The following KAZN variants were observed in gnomAD, a reference collection of about 807,000 sequenced individuals.
KAZN encodes the protein kazrin, periplakin interacting protein, also known as kazrin.
Under a neutral mutation model 87.4 loss-of-function variants are expected in KAZN, and 40 were observed. The observed-to-expected ratio is 0.46, with a 90% CI of 0.36 to 0.60. The LOEUF is 0.60. KAZN is among the 20% of genes least tolerant of loss of function. The pLI, the probability that KAZN is intolerant of heterozygous loss-of-function variation, is 0.00. For missense variants in KAZN, 898 were observed against 1,073.9 expected, an observed-to-expected ratio of 0.84 and a Z score of 2.29; for synonymous variants, 466 against 458.3, an observed-to-expected ratio of 1.02 and a Z score of -0.22.
chr1:14,004,630 G>A (rs960607553), intron 1 of KAZN, among the ~76,000 whole-genome samples: 24 of 152,190 alleles, frequency 1.6e-4, no homozygotes, highest in Non-Finnish European at 3.4e-4. Context: ...TGATCCAGGT[G>A]CTGGTTTTGT....
intron 1 of KAZN, among the ~76,000 whole-genome samples, chr1:14,121,306 G>A (rs1041887450): frequency 2.6e-5 from 4 of 152,164 alleles, no homozygotes; most frequent in African/African-American, 9.7e-5. Context: ...CATCACTACG[G>A]TGAATGAAGC....
At chr1:14,930,852 G>T (rs372801103) in intron 1 of KAZN, among the ~76,000 whole-genome samples, 32 of 152,314 alleles carry the variant, frequency 2.1e-4, no homozygotes, top group Admixed American at 1.8e-3. Context: ...CAGTTGGGAG[G>T]GGGGAACCCT....
intron 4 of KAZN, among the ~76,000 whole-genome samples, chr1:15,048,806 CGTTGGTCCTGGGTTGTTGGTG>C (rs1673953304): frequency 4.7e-5 from 7 of 149,192 alleles, no homozygotes; most frequent in African/African-American, 7.5e-5. Context: ...GGTCCTGAGT[CGTTGGTCCTGGGTTGTTGGTG>C]CTGGGTCGTT....
At position 14,561,052 on chromosome 1, in the gene KAZN, G is replaced by C. The variant is rs370385930; in HGVS notation, c.250-37931G>C. Among the ~76,000 whole-genome samples the C allele has an allele frequency of 3.3e-5, 5 of 152,140 alleles. 1 individual carries two copies. The highest frequency in any genetic ancestry group is 9.7e-5 in the African/African-American group (4 of 41,438). On this transcript the variant is annotated intron_variant, in intron 2 of 16. Transcript: ENST00000636203. The stretch of plus-strand genomic sequence containing the variant: ...CTCCTCTCTGCATCAACTCCTGAGT[G>C]CTCACTCTGGAGGGAGCACCTGCTT...
chr1:14,824,389 T>A (rs1002047093), intron 1 of KAZN, among the ~76,000 whole-genome samples: 2 of 152,224 alleles, frequency 1.3e-5, no homozygotes, highest in African/African-American at 4.8e-5. Context: ...CATTGACTAC[T>A]GCTCCTGGGA....
intron 1 of KAZN, among the ~76,000 whole-genome samples, chr1:14,942,302 G>A (rs1012047035): frequency 2.6e-5 from 4 of 152,240 alleles, no homozygotes; most frequent in African/African-American, 2.4e-5. Context: ...AAGAGGAAAC[G>A]TCCCCAGACG....
chr1:14,512,700 A>G (rs1445500298), intron 2 of KAZN, among the ~76,000 whole-genome samples: 1 of 152,234 alleles, frequency 6.6e-6, no homozygotes, highest in Non-Finnish European at 1.5e-5. Context: ...TGCTGTTCCG[A>G]CACCCACTGG....
At chr1:14,470,699 G>A (rs975888109) in intron 2 of KAZN, among the ~76,000 whole-genome samples, 14 of 152,226 alleles carry the variant, frequency 9.2e-5, no homozygotes, top group African/African-American at 3.4e-4. Context: ...AGGTGGATAT[G>A]AAGAGTGTGG....
At chr1:13,938,141 ATT>A (rs1275377299) in intron 1 of KAZN, among the ~76,000 whole-genome samples, 5 of 152,174 alleles carry the variant, frequency 3.3e-5, no homozygotes, top group Admixed American at 1.3e-4. Context: ...TTTTAAAAAT[ATT>A]GATTCTTCCA....
In KAZN at chr1:14,710,505, C is replaced by T. The variant is rs1035683433; in HGVS notation, c.226+111282C>T. On this transcript the variant is annotated intron_variant, in intron 1 of 14. Coordinates refer to ENST00000376030, the MANE Select transcript of KAZN (RefSeq NM_201628.3). Reference sequence around the variant, plus strand: ...CTCCTCAACATCCCTCTCACCACTGCGTTAGAGCTTAGCCATACCAGCTCC... The same window carrying T: ...CTCCTCAACATCCCTCTCACCACTGTGTTAGAGCTTAGCCATACCAGCTCC... 1.6e-4 allele frequency among the ~76,000 whole-genome samples: 24 copies of T among 152,252 alleles called. 1 individual carries two copies. The Middle Eastern group carries it at 0.014, about 86-fold the overall frequency.
chr1:15,043,633 CTTTTTTTTTT>C (rs71000361), intron 3 of KAZN, among the ~76,000 whole-genome samples: 861 of 72,650 alleles, frequency 0.012, 11 homozygotes, highest in African/African-American at 0.054. Context: ...CTCCCCACTT[CTTTTTTTTTT>C]TTTTTTTTTT....
intron 1 of KAZN, among the ~76,000 whole-genome samples, chr1:14,939,614 GGTGCCTCTGCATTGGGAC>G: frequency 6.6e-6 from 1 of 152,284 alleles, no homozygotes; most frequent in East Asian, 1.9e-4. Context: ...GGCAGTGGGA[GGTGCCTCTGCATTGGGAC>G]GTGCCTCTTG....
At chr1:15,084,290 G>A (rs1640146129) in intron 8 of KAZN, among the ~76,000 whole-genome samples, 1 of 152,230 alleles carries the variant, frequency 6.6e-6, no homozygotes, top group Non-Finnish European at 1.5e-5. Context: ...CAGATGGACA[G>A]GCCATGCACA....
intron 1 of KAZN, among the ~76,000 whole-genome samples, chr1:14,040,652 C>T (rs902437939): frequency 6.6e-6 from 1 of 152,114 alleles, no homozygotes; most frequent in African/African-American, 2.4e-5. Context: ...ATCCCAGCTA[C>T]TCAGGCTGGG....
chr1:13,897,161 G>C (rs1043134068), intron 1 of KAZN, among the ~76,000 whole-genome samples: 8 of 151,990 alleles, frequency 5.3e-5, no homozygotes, highest in Non-Finnish European at 7.3e-5. Flanking sequence ...GCCCATTTAT[G>C]TACATTTTGT....
intron 1 of KAZN, among the ~76,000 whole-genome samples, chr1:14,780,948 T>TG (rs1223922976): frequency 6.6e-6 from 1 of 152,148 alleles, no homozygotes; most frequent in African/African-American, 2.4e-5. Flanking sequence ...CTTCTGCACT[T>TG]GCAGCTGGAG....
Position 15,104,017 on chromosome 1 carries a change from C to A in KAZN, c.1882-6C>A. The A allele has an allele frequency of 6.2e-7, 1 of 1,612,704 alleles. No homozygotes were observed. Among genetic ancestry groups the A allele is most frequent in the Non-Finnish European group, 8.5e-7 (1 of 1,179,256 alleles). ...AGGCTAACAAGTCCCCTGCCTTTGC[C>A]CCCAGGAGTACGCAGACAACCTGAC... On this transcript the variant is annotated splice_region_variant and splice_polypyrimidine_tract_variant and intron_variant, in intron 12 of 14. Transcript: ENST00000376030.
intron 2 of KAZN, among the ~76,000 whole-genome samples, chr1:14,366,866 G>A (rs1660043754): frequency 6.6e-6 from 1 of 152,230 alleles, no homozygotes. Context: ...CCAAGCTCTT[G>A]TTCAGCATCC....
At chr1:14,377,656 A>C (rs1385034118) in intron 2 of KAZN, among the ~76,000 whole-genome samples, 1 of 152,154 alleles carries the variant, frequency 6.6e-6, no homozygotes, top group Non-Finnish European at 1.5e-5. Context: ...GGTTTTCAAA[A>C]TTTAATGTCT....
Sources: gnomAD v4.1 joint callset for allele counts (sites outside exome capture counted in the v4.1 genomes callset) on GRCh38, gnomAD v4.1.1 for gene constraint, MANE v1.5 for transcripts, NCBI Gene and HGNC (gene_info 2026-07-23, HGNC 2026-07-21) for gene names.